The following SGCZ variants were observed in gnomAD, a reference collection of about 807,000 sequenced individuals.
SGCZ encodes the protein zeta-sarcoglycan.
In SGCZ, 40 loss-of-function variants were observed where a neutral mutation model predicts 41.3. The ratio of observed to expected loss-of-function variants is 0.97; its 90% confidence interval spans 0.75 to 1.26. The LOEUF is 1.26. Among genes scored for constraint, SGCZ ranks in the 50% most tolerant of loss-of-function variants. The pLI is 0.00. For missense variants in SGCZ, 552 were observed against 369.8 expected (o/e 1.49, Z -4.04); for synonymous variants, 206 against 137.5 (o/e 1.50, Z -3.49).
chr8:14,821,410 T>C (rs917081743), intron 1 of SGCZ, among the ~76,000 whole-genome samples: 5 of 152,010 alleles, frequency 3.3e-5, no homozygotes, highest in Non-Finnish European at 5.9e-5. Flanking sequence ...CTAATACCAA[T>C]TATCCTTAAA....
intron 1 of SGCZ, among the ~76,000 whole-genome samples, chr8:14,659,622 A>G (rs924706674): frequency 1.3e-5 from 2 of 152,260 alleles, no homozygotes; most frequent in Non-Finnish European, 2.9e-5. Flanking sequence ...AAATAGCTCA[A>G]CATTTTAAAC....
intron 2 of SGCZ, among the ~76,000 whole-genome samples, chr8:14,460,518 T>C (rs1369543081): frequency 2.6e-5 from 4 of 152,152 alleles, no homozygotes; most frequent in Non-Finnish European, 5.9e-5. Context: ...AAAATTACTT[T>C]AAACATTGAC....
intron 1 of SGCZ, among the ~76,000 whole-genome samples, chr8:15,020,113 A>C (rs1238704036): frequency 6.6e-6 from 1 of 152,014 alleles, no homozygotes; most frequent in Admixed American, 6.6e-5. Flanking sequence ...GAGACTCCCC[A>C]AACTAGATTG....
intron 1 of SGCZ, among the ~76,000 whole-genome samples, chr8:15,079,383 T>G (rs1187389095): frequency 6.6e-6 from 1 of 152,218 alleles, no homozygotes; most frequent in Non-Finnish European, 1.5e-5. Flanking sequence ...TATATTTTTT[T>G]CTTTGAGGAC....
At chr8:14,272,518 C>T (rs1423584224) in intron 3 of SGCZ, among the ~76,000 whole-genome samples, 1 of 152,154 alleles carries the variant, frequency 6.6e-6, no homozygotes, top group Non-Finnish European at 1.5e-5. Context: ...TGATTTCAAG[C>T]TATTAATATG....
At chr8:14,968,495 T>G (rs923011432) in intron 1 of SGCZ, among the ~76,000 whole-genome samples, 2 of 152,072 alleles carry the variant, frequency 1.3e-5, no homozygotes, top group Non-Finnish European at 2.9e-5. Flanking sequence ...TAGATTAGGA[T>G]AAGAAGAAAA....
intron 2 of SGCZ, among the ~76,000 whole-genome samples, chr8:14,362,018 A>G (rs975251611): frequency 2.6e-5 from 4 of 152,216 alleles, no homozygotes; most frequent in Non-Finnish European, 4.4e-5. Context: ...CAGAGGCTGC[A>G]GAACAGCAAA....
chr8:14,658,145 G>T (rs1333958828), intron 1 of SGCZ, among the ~76,000 whole-genome samples: 1 of 152,168 alleles, frequency 6.6e-6, no homozygotes, highest in Non-Finnish European at 1.5e-5. Context: ...CCTCCTCTCA[G>T]ATGATGACAA....
intron 1 of SGCZ, among the ~76,000 whole-genome samples, chr8:14,730,880 G>A (rs1378761029): frequency 6.6e-6 from 1 of 151,742 alleles, no homozygotes; most frequent in Admixed American, 6.6e-5. Flanking sequence ...TAAAAAGTCA[G>A]GGAACAAGAT....
At chr8:15,226,830 G>GA (rs112030467) in intron 1 of SGCZ, among the ~76,000 whole-genome samples, 1 of 152,024 alleles carries the variant, frequency 6.6e-6, no homozygotes, top group Non-Finnish European at 1.5e-5. Context: ...CTAACAGAAG[G>GA]AAAAAAGCAG....
intron 1 of SGCZ, among the ~76,000 whole-genome samples, chr8:14,902,945 C>T (rs898042105): frequency 6.6e-6 from 1 of 152,056 alleles, no homozygotes; most frequent in Non-Finnish European, 1.5e-5. Context: ...TTTGTATTGG[C>T]AAAACTGTGA....
intron 1 of SGCZ, among the ~76,000 whole-genome samples, chr8:15,200,790 C>T (rs1450640617): frequency 1.8e-4 from 27 of 152,140 alleles, no homozygotes; most frequent in Admixed American, 1.8e-3. Flanking sequence ...GGCCAAGACA[C>T]AAACCCACGT....
intron 2 of SGCZ, among the ~76,000 whole-genome samples, chr8:14,405,372 T>A (rs1434825084): frequency 1.3e-5 from 2 of 151,934 alleles, no homozygotes; most frequent in Non-Finnish European, 2.9e-5. Context: ...CTCACACACA[T>A]TCCATTAAGA....
At chr8:14,551,494 TATATTATATATATTATATATATTATATA>T (rs1803826007) in intron 2 of SGCZ, among the ~76,000 whole-genome samples, 1 of 1,390 alleles carries the variant, frequency 7.2e-4, no homozygotes, top group Non-Finnish European at 1.6e-3. Context: ...ATATATTATA[TATATTATATATATTATATATATTATATA>T]TAATATATAT....
At chr8:14,394,293 G>C (rs1167571428) in intron 2 of SGCZ, among the ~76,000 whole-genome samples, 1 of 151,928 alleles carries the variant, frequency 6.6e-6, no homozygotes, top group African/African-American at 2.4e-5. Context: ...TGGGACTACA[G>C]GCATGCGCCA....
chr8:14,176,435 G>A (rs1202824986), intron 4 of SGCZ, among the ~76,000 whole-genome samples: 1 of 152,124 alleles, frequency 6.6e-6, no homozygotes, highest in African/African-American at 2.4e-5. Flanking sequence ...ACTGTAATTA[G>A]TAAGTGTTTC....
chr8:15,208,621 T>C (rs1801143744), intron 1 of SGCZ, among the ~76,000 whole-genome samples: 1 of 152,118 alleles, frequency 6.6e-6, no homozygotes, highest in African/African-American at 2.4e-5. Context: ...GTCTGTAAGG[T>C]AGGAATTATT....
intron 2 of SGCZ, among the ~76,000 whole-genome samples, chr8:14,536,282 TGTAAAA>T (rs1208243606): frequency 6.6e-6 from 1 of 151,842 alleles, no homozygotes; most frequent in Non-Finnish European, 1.5e-5. Context: ...AAATACATCT[TGTAAAA>T]GTAAAAGGAA....
intron 1 of SGCZ, among the ~76,000 whole-genome samples, chr8:15,185,246 G>A (rs538815753): frequency 1.3e-5 from 2 of 152,286 alleles, no homozygotes; most frequent in African/African-American, 2.4e-5. Flanking sequence ...GGATACTCCT[G>A]AAAATTTCCA....
Sources: allele counts gnomAD v4.1 joint callset (sites outside exome capture counted in the v4.1 genomes callset), GRCh38; gene constraint gnomAD v4.1.1; transcripts MANE v1.5; gene names NCBI Gene and HGNC (gene_info 2026-07-23, HGNC 2026-07-21).